PCDH15: variants seen among roughly 807,000 people sequenced by gnomAD.
PCDH15 encodes the protein protocadherin related 15.
In PCDH15, 129 loss-of-function variants were observed where a neutral mutation model predicts 178.5. The observed-to-expected ratio is 0.72, with a 90% CI of 0.63 to 0.84. PCDH15 has a LOEUF of 0.84. Ranked by LOEUF, PCDH15 falls within the 40% of genes least tolerant of loss-of-function variation. The pLI is 0.00. For synonymous variants in PCDH15, 800 were observed against 732.0 expected, an observed-to-expected ratio of 1.09 and a Z score of -1.50; for missense variants, 2,230 against 2,099.9, an observed-to-expected ratio of 1.06 and a Z score of -1.21.
intron 18 of PCDH15, among the ~76,000 whole-genome samples, chr10:54,043,037 G>C (rs548281667): frequency 2.6e-5 from 4 of 152,088 alleles, no homozygotes; most frequent in Admixed American, 2.0e-4. Flanking sequence ...CATGCTTACT[G>C]TACAGGAGTT....
rs368774419 is a variant in PCDH15, at chr10:54,183,613, C to T, written c.1441-20G>A. ...TGTTATCTTTGGGAGGAGAAAAATA[C>T]ACTTAGTAGAGATGTTCTGCAAATA... On this transcript the variant is annotated intron_variant, in intron 12 of 37. Transcript: ENST00000644397. The T allele has an allele frequency of 7.6e-5, 123 of 1,612,768 alleles. No individual in the cohort carries two copies. The highest frequency in any genetic ancestry group is 1.0e-4 in the Non-Finnish European group (119 of 1,179,696).
At chr10:53,848,872 T>C (rs77847294) in intron 28 of PCDH15, among the ~76,000 whole-genome samples, 5,918 of 152,202 alleles carry the variant, frequency 0.039, 363 homozygotes, top group African/African-American at 0.13. Flanking sequence ...GTTTGTATTA[T>C]TTTCATAGTG....
At chr10:54,456,680 G>A (rs1365081747) in intron 3 of PCDH15, among the ~76,000 whole-genome samples, 1 of 152,078 alleles carries the variant, frequency 6.6e-6, no homozygotes, top group Non-Finnish European at 1.5e-5. Context: ...GAGGGACTAG[G>A]GGTAGAATGA....
chr10:55,509,906 G>A (rs1036386755), intron 2 of PCDH15, among the ~76,000 whole-genome samples: 22 of 151,802 alleles, frequency 1.4e-4, no homozygotes, highest in African/African-American at 4.8e-4. Flanking sequence ...CAATCTAACC[G>A]TTTTATTCAT....
chr10:53,891,607 G>T (rs1211479381), intron 26 of PCDH15, among the ~76,000 whole-genome samples: 1 of 152,024 alleles, frequency 6.6e-6, no homozygotes, highest in Non-Finnish European at 1.5e-5. Context: ...CATGTATCAT[G>T]TCCAATGGCT....
intron 8 of PCDH15, among the ~76,000 whole-genome samples, chr10:54,262,701 G>A (rs2057400833): frequency 9.3e-6 from 1 of 107,210 alleles, no homozygotes; most frequent in Non-Finnish European, 2.1e-5. Context: ...AGAGAAGAAT[G>A]TGGTATGGGT....
At chr10:54,778,717 A>T (rs1949964412) in intron 1 of PCDH15, among the ~76,000 whole-genome samples, 1 of 152,136 alleles carries the variant, frequency 6.6e-6, no homozygotes, top group African/African-American at 2.4e-5. Flanking sequence ...CTCTTTAAAT[A>T]TTTATCTACT....
At chr10:54,269,103 A>C (rs1023410729) in intron 8 of PCDH15, among the ~76,000 whole-genome samples, 6 of 151,984 alleles carry the variant, frequency 3.9e-5, no homozygotes, top group African/African-American at 1.4e-4. Flanking sequence ...AAAGTGAGCA[A>C]CTGAAAATTT....
At chr10:53,918,765 C>T (rs1026371739) in intron 25 of PCDH15, among the ~76,000 whole-genome samples, 3 of 134,532 alleles carry the variant, frequency 2.2e-5, no homozygotes, top group South Asian at 2.5e-4. Context: ...CACACACACA[C>T]GGATACCACC....
At chr10:53,974,975 T>G (rs2090069998) in intron 21 of PCDH15, among the ~76,000 whole-genome samples, 2 of 152,162 alleles carry the variant, frequency 1.3e-5, no homozygotes, top group Admixed American at 6.5e-5. Flanking sequence ...ATTGTTCCCA[T>G]CTTTTTGTCC....
chr10:54,983,396 T>A (rs566442312), intron 2 of PCDH15, among the ~76,000 whole-genome samples: 4 of 152,066 alleles, frequency 2.6e-5, no homozygotes, highest in East Asian at 1.9e-4. Context: ...TGAAAAAAAA[T>A]TTTAAATGTA....
chr10:54,584,713 C>T (rs1013306609), intron 2 of PCDH15, among the ~76,000 whole-genome samples: 1 of 152,046 alleles, frequency 6.6e-6, no homozygotes, highest in African/African-American at 2.4e-5. Context: ...TCTAATCTTC[C>T]ATTCAGTATC....
intron 3 of PCDH15, among the ~76,000 whole-genome samples, chr10:54,825,154 G>A (rs1174084051): frequency 1.3e-5 from 2 of 151,956 alleles, no homozygotes; most frequent in Non-Finnish European, 2.9e-5. Context: ...ATAGTTTGCT[G>A]AGAATGATGG....
intron 8 of PCDH15, among the ~76,000 whole-genome samples, chr10:54,274,615 ATT>A (rs1491276413): frequency 8.6e-5 from 7 of 81,090 alleles, no homozygotes; most frequent in African/African-American, 4.2e-4. Flanking sequence ...ACTCAGTTTA[ATT>A]GTGTGTGTGT....
In PCDH15 at chr10:54,543,910, A is replaced by G. The variant is rs527320758; in HGVS notation, c.92-16033T>C. On this transcript the variant is annotated intron_variant, in intron 2 of 37. Coordinates refer to ENST00000644397, the MANE Select transcript of PCDH15 (RefSeq NM_001384140.1). ...AATGCACTTTCTCTAAGAGCAATAC[A>G]TAACATTTCTCATTTTTATAAAATC... Among the ~76,000 whole-genome samples the G allele has an allele frequency of 7.6e-4, 115 of 152,300 alleles. 1 individual carries two copies. The highest frequency in any genetic ancestry group is 1.6e-3 in the Non-Finnish European group (107 of 68,028).
At position 54,853,316 on chromosome 10, in the gene PCDH15, T is replaced by TATATACACATATACACATATAC. The variant is rs1554806802; in HGVS notation, c.-29+44133_-29+44134insGTATATGTGTATATGTGTATAT. 2.2e-4 allele frequency among the ~76,000 whole-genome samples: 25 copies of TATATACACATATACACATATAC among 115,130 alleles called. No individual in the cohort carries two copies. In the East Asian group the frequency reaches 4.5e-3, roughly 21 times the overall value. The allele number at this position is 115,130 out of a possible 152,430, so 75.5% of individuals were successfully genotyped here. A position where few individuals can be genotyped will look rare whatever the true frequency, so the allele number is the denominator to read the frequency against. ...ATATATATATATATATATATATATATATACATACACACACATATACATATA... is the reference window on the plus strand; with the variant it reads ...ATATATATATATATATATATATATATATATACACATATACACATATACATACATACACACACATATACATATA... On this transcript the variant is annotated intron_variant, in intron 3 of 5. Transcript: ENST00000458638.
Position 54,053,376 on chromosome 10 carries a change from G to A in PCDH15, c.2220+13381C>T, listed in dbSNP as rs74135777. ...TCATGTATGTACATACATTATGCAA[G>A]GGCTAAGCCAAGCGTTGGGCTATGT... On this transcript the variant is annotated intron_variant, in intron 18 of 37. Coordinates refer to ENST00000644397, the MANE Select transcript of PCDH15 (RefSeq NM_001384140.1). 6.0e-3 allele frequency among the ~76,000 whole-genome samples: 910 copies of A among 152,192 alleles called. 7 individuals are homozygous for A. The highest frequency in any genetic ancestry group is 0.018 in the South Asian group (86 of 4,824).
chr10:54,832,526 A>G (rs1409778137), intron 3 of PCDH15, among the ~76,000 whole-genome samples: 1 of 152,162 alleles, frequency 6.6e-6, no homozygotes, highest in Non-Finnish European at 1.5e-5. Context: ...ACTCATTTCC[A>G]TGCCCACGTG....
At chr10:54,487,665 T>C (rs1047332977) in intron 3 of PCDH15, among the ~76,000 whole-genome samples, 1 of 152,008 alleles carries the variant, frequency 6.6e-6, no homozygotes, top group African/African-American at 2.4e-5. Context: ...TACATCAATA[T>C]CTATCAATTA....
Sources: allele counts gnomAD v4.1 joint callset (sites outside exome capture counted in the v4.1 genomes callset), GRCh38; gene constraint gnomAD v4.1.1; transcripts MANE v1.5; gene names NCBI Gene and HGNC (gene_info 2026-07-23, HGNC 2026-07-21).